The following SIRT3 variants were observed in gnomAD, a reference collection of about 807,000 sequenced individuals.
SIRT3 encodes sirtuin 3.
Under a neutral mutation model 33.5 loss-of-function variants are expected in SIRT3, and 26 were observed. The ratio of observed to expected loss-of-function variants is 0.78; its 90% confidence interval spans 0.57 to 1.08. The LOEUF (loss-of-function observed/expected upper bound fraction) is 1.08, where lower values mean the gene tolerates loss of function less well. Among genes scored for constraint, SIRT3 ranks in the 50% least tolerant of loss-of-function variants. The probability of loss-of-function intolerance (pLI) is 0.00; values close to 1 mark genes in which losing one functional copy is unlikely to be tolerated. For synonymous variants in SIRT3, 237 were observed against 222.1 expected (o/e 1.07, Z -0.60); for missense variants, 585 against 530.1 (o/e 1.10, Z -1.02).
intron 3 of SIRT3, among the ~76,000 whole-genome samples, chr11:231,124 CAAA>C (rs33939565): frequency 1.8e-4 from 25 of 138,542 alleles, no homozygotes; most frequent in Non-Finnish European, 2.6e-4. Flanking sequence ...GATTCTGTCT[CAAA>C]AAAAAAAAAA....
rs1855589530 is a variant in SIRT3 at position 215,845 on chromosome 11, G to C, written c.*853C>G. 1 of 152,172 alleles carries C rather than the reference G, an allele frequency of 6.6e-6. No individual in the cohort carries two copies. Among genetic ancestry groups the C allele is most frequent in the South Asian group, 2.1e-4 (1 of 4,824 alleles). The allele number at this position is 152,172 out of a possible 1,614,324, so 9.4% of individuals were successfully genotyped here. ...GTTTTAAGTGAGTAATGCCTTCCCT[G>C]TCTCAGAGATTAGCTCTAACAGTGT... On this transcript the variant is annotated 3_prime_UTR_variant, in exon 7 of 7. Coordinates refer to ENST00000382743, the MANE Select transcript of SIRT3 (RefSeq NM_012239.6).
At chr11:225,404 T>A (rs1462522967) in intron 4 of SIRT3, among the ~76,000 whole-genome samples, 1 of 151,322 alleles carries the variant, frequency 6.6e-6, no homozygotes, top group Middle Eastern at 3.2e-3. Context: ...AAAGCGAGAC[T>A]CTGTCTCAAA....
Position 223,744 on chromosome 11 carries a change from C to G in SIRT3, c.969+334G>C. ...CTGCTCCCTCAGCCTGGAACCCCAGCTGAATCCATTCACCTTCCCAAAGTG... is the reference window on the plus strand; with the variant it reads ...CTGCTCCCTCAGCCTGGAACCCCAGGTGAATCCATTCACCTTCCCAAAGTG... On this transcript the variant is annotated intron_variant, in intron 5 of 6. Transcript: ENST00000382743. The surrounding 1 kb of genome is among the most constrained non-coding windows in gnomAD (Gnocchi z 4.8). 1 of 898,254 alleles carries G rather than the reference C, an allele frequency of 1.1e-6. No homozygotes were observed. The highest frequency in any genetic ancestry group is 1.3e-5 in the South Asian group (1 of 74,246). The allele number at this position is 898,254 out of a possible 1,614,324, so 55.6% of individuals were successfully genotyped here.
In SIRT3 at chr11:216,702, T is replaced by G. The variant is rs933049166; in HGVS notation, c.1196A>C (p.Lys399Thr). 6.2e-7 allele frequency: 1 copy of G among 1,614,072 alleles called. No homozygotes were observed. Among genetic ancestry groups the G allele is most frequent in the South Asian group, 1.1e-5 (1 of 91,028 alleles). ...RETGKLDGPD[K>T] ...TGTGTGGGGGCAGCCATCATCCTAT[T>G]TGTCTGGTCCATCAAGCTGGAATAC... The change falls in exon 7 of 7, where the codon AAA becomes ACA. Residue 399 changes from lysine to threonine, a missense_variant. Lys to Thr is a moderately conservative substitution (Grantham distance 78). Transcript: ENST00000382743.
At position 231,782 on chromosome 11, in the gene SIRT3, C is replaced by G. The variant is rs552657617; in HGVS notation, c.706+1201G>C. ...CGCTGCTGCCTCTGTGGTTCCAAGT[C>G]AGGGGATCCTTCTGGCAAGGAAACA... On this transcript the variant is annotated intron_variant, in intron 3 of 6. Coordinates refer to ENST00000382743, the MANE Select transcript of SIRT3 (RefSeq NM_012239.6). Among the ~76,000 whole-genome samples, 90 of 152,278 alleles carry G rather than the reference C, an allele frequency of 5.9e-4. 2 individuals are homozygous for G. The South Asian group carries it at 6.0e-3, about 10-fold the overall frequency.
In SIRT3 at chr11:231,280, T is replaced by C. The variant is rs761935554; in HGVS notation, c.707-728A>G. ...ATAGTGAGACTTGTCTTAAAAAATT[T>C]TTTTAATTAGCCAGGCATGGTAGTG... On this transcript the variant is annotated intron_variant, in intron 3 of 6. Coordinates refer to ENST00000382743, the MANE Select transcript of SIRT3 (RefSeq NM_012239.6). 2.8e-4 allele frequency among the ~76,000 whole-genome samples: 42 copies of C among 152,198 alleles called. 1 individual carries two copies. Among genetic ancestry groups the C allele is most frequent in the Middle Eastern group, 3.4e-3 (1 of 294 alleles).
upstream of SIRT3, chr11:236,918 C>T (rs762462539): frequency 1.3e-6 from 1 of 753,680 alleles, no homozygotes; most frequent in Non-Finnish European, 2.3e-6. Flanking sequence ...CGGGGCCCGC[C>T]CCCGGCCTGC....
intron 3 of SIRT3, among the ~76,000 whole-genome samples, chr11:231,688 A>C (rs1447798020): frequency 1.3e-5 from 2 of 152,038 alleles, no homozygotes; most frequent in South Asian, 4.1e-4. Context: ...CACAGCCAGG[A>C]GCTCCCACCT....
chr11:236,097 C>T lies in SIRT3; in HGVS notation c.232G>A (p.Ala78Thr). 6.3e-7 allele frequency: 1 copy of T among 1,577,506 alleles called. No individual in the cohort carries two copies. Residue 78 changes from alanine (A) to threonine (T), a missense_variant, in exon 1 of 7, where the codon GCA (alanine) becomes ACA (threonine). By Grantham distance (58) the Ala-to-Thr change is moderately conservative (BLOSUM62 0). Transcript: ENST00000382743. ...GCTGCCCTCGGCTGCCTCCGGAATG[C>T]CCTGGGCACCTCGGGTCTGGGAGGC... ...QRPPRPEVPR[A>T]FRRQPRAAAP... is the part of the protein sequence containing the mutation.
chr11:236,921 C>T (rs1185761972), upstream of SIRT3: 15 of 765,338 alleles, frequency 2.0e-5, no homozygotes, highest in Non-Finnish European at 2.9e-5. Context: ...GGCCCGCCCC[C>T]GGCCTGCTAC....
chr11:234,575 T>C (rs572163353), intron 1 of SIRT3, among the ~76,000 whole-genome samples: 29 of 151,126 alleles, frequency 1.9e-4, no homozygotes, highest in South Asian at 6.3e-4. Context: ...CCACCACGCC[T>C]GGCTAATTTC....
At chr11:226,318 G>A (rs986988943) in intron 4 of SIRT3, among the ~76,000 whole-genome samples, 5 of 152,142 alleles carry the variant, frequency 3.3e-5, no homozygotes, top group Non-Finnish European at 7.4e-5. Context: ...CTCCTGCTAC[G>A]GCCAGGAACT....
chr11:233,299 C>A, intron 2 of SIRT3, 44 bp downstream of exon 2: 1 of 1,601,810 alleles, frequency 6.2e-7, no homozygotes, highest in Non-Finnish European at 8.5e-7. Flanking sequence ...GGGCAGGAGT[C>A]AGGGGAGGGG....
At chr11:216,803 G>A (rs1451786427) in intron 6 of SIRT3, 85 bp from the exon 7 acceptor site, 10 of 1,384,440 alleles carry the variant, frequency 7.2e-6, no homozygotes, top group Non-Finnish European at 1.0e-5. Context: ...AGCTCTAGCT[G>A]CAGACATGCA....
At chr11:228,583 C>T (rs1023071773) in intron 4 of SIRT3, among the ~76,000 whole-genome samples, 1 of 152,098 alleles carries the variant, frequency 6.6e-6, no homozygotes, top group African/African-American at 2.4e-5. Context: ...AAGCTGGATC[C>T]CTACCTTACA....
At chr11:219,140 T>A in intron 5 of SIRT3, 99 bp from the exon 6 acceptor site, 1 of 1,431,790 alleles carries the variant, frequency 7.0e-7, no homozygotes, top group Non-Finnish European at 9.4e-7. Flanking sequence ...GAGCAGCAGA[T>A]TGGCAGTCAG....
intron 5 of SIRT3, among the ~76,000 whole-genome samples, chr11:219,700 G>GAA (rs11377092): frequency 2.0e-5 from 3 of 151,884 alleles, no homozygotes; most frequent in Non-Finnish European, 4.4e-5. Flanking sequence ...ACCTCCCACT[G>GAA]AAAAAAATTC....
chr11:236,731 C>G, upstream of SIRT3: 1 of 446,636 alleles, frequency 2.2e-6, no homozygotes, highest in Non-Finnish European at 4.1e-6. Context: ...CCTCATTTGA[C>G]AGGAGCAATT....
intron 4 of SIRT3, among the ~76,000 whole-genome samples, chr11:229,571 C>T (rs1007282515): frequency 6.6e-6 from 1 of 152,042 alleles, no homozygotes; most frequent in African/African-American, 2.4e-5. Context: ...GCCTGGCCAA[C>T]ATGGTGAAAC....
Sources: gnomAD v4.1 joint callset for allele counts (sites outside exome capture counted in the v4.1 genomes callset) on GRCh38, gnomAD v4.1.1 for gene constraint, Gnocchi (gnomAD v3.1) non-coding constraint, MANE v1.5 for transcripts, NCBI Gene and HGNC (gene_info 2026-07-23, HGNC 2026-07-21) for gene names.